The following ZFPM2 variants were observed in gnomAD, a reference collection of about 807,000 sequenced individuals.
The protein encoded by ZFPM2 is zinc finger protein ZFPM2.
Under a neutral mutation model 98.6 loss-of-function variants are expected in ZFPM2, and 20 were observed. The observed-to-expected ratio is 0.20, with a 90% CI of 0.14 to 0.29. The LOEUF is 0.29. Ranked by LOEUF, ZFPM2 falls within the 10% of genes least tolerant of loss-of-function variation. The pLI, the probability that ZFPM2 is intolerant of heterozygous loss-of-function variation, is 1.00. For synonymous variants in ZFPM2, 518 were observed against 502.7 expected, an observed-to-expected ratio of 1.03 and a Z score of -0.41; for missense variants, 1,310 against 1,388.6, an observed-to-expected ratio of 0.94 and a Z score of 0.90.
At chr8:105,683,954 A>G (rs1329352412) in intron 5 of ZFPM2, among the ~76,000 whole-genome samples, 2 of 152,168 alleles carry the variant, frequency 1.3e-5, no homozygotes, top group African/African-American at 2.4e-5. Flanking sequence ...TTGTTGAATG[A>G]GTGAATGAAT....
intron 3 of ZFPM2, among the ~76,000 whole-genome samples, chr8:105,528,467 A>G (rs1223443860): frequency 6.6e-6 from 1 of 152,140 alleles, no homozygotes; most frequent in Non-Finnish European, 1.5e-5. Flanking sequence ...TTTTATACAC[A>G]GGGATGAATG....
chr8:105,492,489 A>G (rs141359288), intron 3 of ZFPM2, among the ~76,000 whole-genome samples: 1 of 152,306 alleles, frequency 6.6e-6, no homozygotes, highest in East Asian at 1.9e-4. Context: ...TAAGAAGAAA[A>G]GATACATATA....
At chr8:105,415,070 T>C (rs904169911) in intron 1 of ZFPM2, 6 of 152,110 alleles carry the variant, frequency 3.9e-5, no homozygotes, top group Non-Finnish European at 2.9e-5. Flanking sequence ...AAGGTAGCTG[T>C]GGCCAATTCA....
chr8:105,569,076 T>C (rs1815301791), intron 4 of ZFPM2, among the ~76,000 whole-genome samples: 1 of 151,980 alleles, frequency 6.6e-6, no homozygotes, highest in Non-Finnish European at 1.5e-5. Flanking sequence ...CTCTGAAGCC[T>C]CCTGTCTGGA....
intron 2 of ZFPM2, among the ~76,000 whole-genome samples, chr8:105,429,850 T>C (rs958204344): frequency 2.6e-5 from 4 of 152,318 alleles, no homozygotes; most frequent in South Asian, 4.1e-4. Context: ...GGAATGCATA[T>C]TGAAAAATTA....
At chr8:105,742,934 C>A (rs1209096192) in intron 5 of ZFPM2, among the ~76,000 whole-genome samples, 1 of 151,784 alleles carries the variant, frequency 6.6e-6, no homozygotes, top group East Asian at 1.9e-4. Flanking sequence ...TTGAAATCAC[C>A]AAGAATTAAA....
At position 105,318,846 on chromosome 8, in the gene ZFPM2, G is replaced by GCGA; in HGVS notation, c.-94_-93insACG. The stretch of plus-strand genomic sequence containing the variant: ...GCCGGCGGCGGGCCGAGCCTGGCCA[G>GCGA]CGGCGGCGGCGGCGGCGGCGGCGGC... On this transcript the variant is annotated 5_prime_UTR_variant, in exon 1 of 8. Coordinates refer to ENST00000407775, the MANE Select transcript of ZFPM2 (RefSeq NM_012082.4). The GCGA allele has an allele frequency of 1.9e-6, 1 of 519,314 alleles. No homozygotes were observed. The allele number at this position is 519,314 out of a possible 1,614,324, so 32.2% of individuals were successfully genotyped here.
intron 3 of ZFPM2, among the ~76,000 whole-genome samples, chr8:105,479,545 T>C (rs1365726489): frequency 2.0e-5 from 3 of 152,222 alleles, no homozygotes; most frequent in Non-Finnish European, 4.4e-5. Context: ...AAATACACTT[T>C]AGTTAAAGTC....
At position 105,475,842 on chromosome 8, in the gene ZFPM2, T is replaced by C. The variant is rs1409191230; in HGVS notation, c.301+31461T>C. On this transcript the variant is annotated intron_variant, in intron 3 of 7. Coordinates refer to ENST00000407775, the MANE Select transcript of ZFPM2 (RefSeq NM_012082.4). ...TTTTCACCTCTGATTTTGGGATTCATTTCAAAAAAATCAGGAGTTTCCAAA... is the reference window on the plus strand; with the variant it reads ...TTTTCACCTCTGATTTTGGGATTCACTTCAAAAAAATCAGGAGTTTCCAAA... 2.0e-5 allele frequency among the ~76,000 whole-genome samples: 3 copies of C among 152,190 alleles called. No homozygotes were observed. In the East Asian group the frequency reaches 5.8e-4, roughly 29 times the overall value.
chr8:105,490,529 G>A (rs905690799), intron 3 of ZFPM2, among the ~76,000 whole-genome samples: 6 of 152,130 alleles, frequency 3.9e-5, no homozygotes, highest in African/African-American at 1.4e-4. Context: ...AACTTCAAAG[G>A]TATAACTATG....
At chr8:105,684,890 T>A (rs1443603365) in intron 5 of ZFPM2, 4 of 152,108 alleles carry the variant, frequency 2.6e-5, no homozygotes, top group Non-Finnish European at 4.4e-5. Context: ...AGAATTTACC[T>A]GCTGAGGTCA....
At chr8:105,401,050 A>G (rs1223093570) in intron 1 of ZFPM2, among the ~76,000 whole-genome samples, 4 of 151,852 alleles carry the variant, frequency 2.6e-5, no homozygotes, top group Non-Finnish European at 5.9e-5. Context: ...TCTTGATAAT[A>G]TTTGGTTTCT....
intron 4 of ZFPM2, among the ~76,000 whole-genome samples, chr8:105,582,856 A>G (rs1401970123): frequency 6.6e-6 from 1 of 152,124 alleles, no homozygotes; most frequent in Non-Finnish European, 1.5e-5. Context: ...GGCCTCCCAA[A>G]GTGCTGGGAT....
chr8:105,385,710 C>A (rs1159090418), intron 1 of ZFPM2, among the ~76,000 whole-genome samples: 2 of 152,178 alleles, frequency 1.3e-5, no homozygotes, highest in Non-Finnish European at 2.9e-5. Flanking sequence ...AGCAGAAGGA[C>A]CCCAGCGATT....
chr8:105,332,709 G>C (rs1586297608), intron 1 of ZFPM2, among the ~76,000 whole-genome samples: 1 of 151,720 alleles, frequency 6.6e-6, no homozygotes, highest in East Asian at 1.9e-4. Flanking sequence ...AGGTTCATAA[G>C]CGCGTCAGGT....
intron 2 of ZFPM2, among the ~76,000 whole-genome samples, chr8:105,426,534 C>T (rs1358018609): frequency 6.6e-6 from 1 of 152,102 alleles, no homozygotes. Context: ...CCTCTGTTTT[C>T]CTGGATTCAG....
intron 3 of ZFPM2, among the ~76,000 whole-genome samples, chr8:105,484,253 T>C (rs2130398671): frequency 6.6e-6 from 1 of 152,250 alleles, no homozygotes; most frequent in South Asian, 2.1e-4. Flanking sequence ...GTTTGAGATA[T>C]AAACTATTCA....
chr8:105,365,149 G>A (rs1322099640), intron 1 of ZFPM2, among the ~76,000 whole-genome samples: 2 of 152,154 alleles, frequency 1.3e-5, no homozygotes, highest in East Asian at 3.9e-4. Flanking sequence ...TGCTTTCAGT[G>A]TGTTTTTGGT....
intron 6 of ZFPM2, among the ~76,000 whole-genome samples, chr8:105,789,857 G>A (rs1813545286): frequency 1.3e-5 from 2 of 150,378 alleles, no homozygotes; most frequent in African/African-American, 4.9e-5. Context: ...ATTTTTTCAT[G>A]TGTTTTTTGG....
Sources: gnomAD v4.1 joint callset for allele counts (sites outside exome capture counted in the v4.1 genomes callset) on GRCh38, gnomAD v4.1.1 for gene constraint, MANE v1.5 for transcripts, NCBI Gene and HGNC (gene_info 2026-07-23, HGNC 2026-07-21) for gene names.